ALPK2: variants seen among roughly 807,000 people sequenced by gnomAD.
The protein encoded by ALPK2 is alpha-protein kinase 2.
In ALPK2, 127 loss-of-function variants were observed where a neutral mutation model predicts 163.1. The observed-to-expected ratio is 0.78, with a 90% CI of 0.67 to 0.90. ALPK2 has a LOEUF of 0.90. ALPK2 is among the 40% of genes least tolerant of loss of function. ALPK2 has a pLI of 0.00. For missense variants in ALPK2, 2,360 were observed against 2,589.6 expected (o/e 0.91, Z 1.92); for synonymous variants, 953 against 959.1 (o/e 0.99, Z 0.12).
chr18:58,525,826 G>T (rs1265909453), intron 6 of ALPK2, among the ~76,000 whole-genome samples: 3 of 152,170 alleles, frequency 2.0e-5, no homozygotes, highest in Non-Finnish European at 4.4e-5. Flanking sequence ...TTCGTGGTGA[G>T]CAGTAGTATT....
At chr18:58,589,746 A>C (rs1432819828) in intron 3 of ALPK2, among the ~76,000 whole-genome samples, 1 of 152,198 alleles carries the variant, frequency 6.6e-6, no homozygotes, top group Non-Finnish European at 1.5e-5. Flanking sequence ...CAAAAATAAA[A>C]ATAAAATCAG....
intron 2 of ALPK2, among the ~76,000 whole-genome samples, chr18:58,607,841 A>G (rs189974991): frequency 2.0e-5 from 3 of 152,342 alleles, no homozygotes; most frequent in Non-Finnish European, 1.5e-5. Context: ...ACTCAATGAT[A>G]ACTACTGATT....
At chr18:58,611,619 C>T (rs1231430465) in intron 2 of ALPK2, 70 bp downstream of exon 2, 4 of 1,399,550 alleles carry the variant, frequency 2.9e-6, no homozygotes, top group Non-Finnish European at 3.0e-6. Flanking sequence ...TTAGTAATGC[C>T]TTTGTGAGCC....
intron 11 of ALPK2, 32 bp downstream of exon 11, chr18:58,503,899 C>A: frequency 6.3e-7 from 1 of 1,587,428 alleles, no homozygotes; most frequent in Non-Finnish European, 8.6e-7. Flanking sequence ...CCCACAGCAT[C>A]CCTGGAGCCT....
intron 4 of ALPK2, among the ~76,000 whole-genome samples, chr18:58,562,790 G>C (rs2051831674): frequency 6.6e-6 from 1 of 152,206 alleles, no homozygotes; most frequent in African/African-American, 2.4e-5. Context: ...TTCTTGGTGA[G>C]GGTTCTCTTC....
intron 4 of ALPK2, among the ~76,000 whole-genome samples, chr18:58,546,356 A>G (rs1358940366): frequency 1.3e-5 from 2 of 152,134 alleles, no homozygotes; most frequent in East Asian, 1.9e-4. Flanking sequence ...CTGGGTTTCC[A>G]TGGTTCACAC....
At chr18:58,516,035 T>C (rs1163577317) in intron 9 of ALPK2, among the ~76,000 whole-genome samples, 1 of 151,594 alleles carries the variant, frequency 6.6e-6, no homozygotes, top group East Asian at 1.9e-4. Flanking sequence ...CTGGGCAACA[T>C]AGGGAGACCC....
intron 1 of ALPK2, among the ~76,000 whole-genome samples, chr18:58,614,262 T>C (rs2052152103): frequency 6.6e-6 from 1 of 152,154 alleles, no homozygotes; most frequent in Admixed American, 6.5e-5. Flanking sequence ...CTGGGACAGG[T>C]GTGGAAGACT....
intron 4 of ALPK2, among the ~76,000 whole-genome samples, chr18:58,550,555 CATATATGACTCT>C: frequency 2.0e-5 from 3 of 149,940 alleles, no homozygotes; most frequent in Non-Finnish European, 3.0e-5. Context: ...CCATCTCTAT[CATATATGACTCT>C]ACCCTCATCT....
chr18:58,602,242 C>T (rs560349679), intron 3 of ALPK2, among the ~76,000 whole-genome samples: 75 of 152,178 alleles, frequency 4.9e-4, no homozygotes, highest in Non-Finnish European at 9.3e-4. Context: ...ATAAACCTGG[C>T]CAGTGCTTAT....
chr18:58,531,935 C>CA (rs35957271), intron 5 of ALPK2, among the ~76,000 whole-genome samples: 10,399 of 49,508 alleles, frequency 0.21, 2,961 homozygotes, highest in East Asian at 0.5. Context: ...GGCTCCGTCT[C>CA]AAAAAAAAAA....
intron 4 of ALPK2, among the ~76,000 whole-genome samples, chr18:58,567,095 G>T (rs186862652): frequency 3.3e-5 from 5 of 152,054 alleles, no homozygotes; most frequent in Non-Finnish European, 7.4e-5. Flanking sequence ...TGCAGGTTCA[G>T]GCCTGCATAT....
At chr18:58,573,356 ATGTG>A (rs201921906) in intron 4 of ALPK2, among the ~76,000 whole-genome samples, 19,775 of 138,324 alleles carry the variant, frequency 0.14, 1,726 homozygotes, top group African/African-American at 0.2. Context: ...GTATATATAT[ATGTG>A]TGTGTATATA....
chr18:58,494,633 C>G (rs1411012147), intron 12 of ALPK2, among the ~76,000 whole-genome samples: 3 of 152,028 alleles, frequency 2.0e-5, no homozygotes, highest in Non-Finnish European at 2.9e-5. Flanking sequence ...CCAGCTGAAC[C>G]CTGCCAGGTA....
At chr18:58,505,245 C>A (rs778154245) in intron 10 of ALPK2, among the ~76,000 whole-genome samples, 13 of 152,024 alleles carry the variant, frequency 8.6e-5, no homozygotes, top group Non-Finnish European at 1.8e-4. Context: ...GAGTTTCCAG[C>A]ATTATCCATT....
At chr18:58,520,913 G>A (rs1408292362) in intron 8 of ALPK2, among the ~76,000 whole-genome samples, 1 of 152,244 alleles carries the variant, frequency 6.6e-6, no homozygotes, top group African/African-American at 2.4e-5. Context: ...CTACTCAGGA[G>A]GCTTAGGTGG....
chr18:58,598,480 C>A (rs2052052002), intron 3 of ALPK2, among the ~76,000 whole-genome samples: 1 of 152,162 alleles, frequency 6.6e-6, no homozygotes, highest in African/African-American at 2.4e-5. Context: ...CCAGGCAGGA[C>A]CTGGCAGAGG....
At chr18:58,591,131 G>C (rs1427803790) in intron 3 of ALPK2, among the ~76,000 whole-genome samples, 1 of 152,192 alleles carries the variant, frequency 6.6e-6, no homozygotes, top group Non-Finnish European at 1.5e-5. Context: ...CTTTGTCTCT[G>C]CTGCCCAGGA....
chr18:58,523,873 G>C (rs777744705), intron 7 of ALPK2, 32 bp from the exon 8 acceptor site: 1 of 1,614,208 alleles, frequency 6.2e-7, no homozygotes, highest in South Asian at 1.1e-5. Flanking sequence ...AATGGCTTCA[G>C]TACAGATGTC....
Sources: allele counts gnomAD v4.1 joint callset (sites outside exome capture counted in the v4.1 genomes callset), GRCh38; gene constraint gnomAD v4.1.1; transcripts MANE v1.5; gene names NCBI Gene and HGNC (gene_info 2026-07-23, HGNC 2026-07-21).